Variants in RAPH1 observed in about 807,000 individuals in gnomAD.
RAPH1 encodes the protein ras-associated and pleckstrin homology domains-containing protein 1.
Under a neutral mutation model 88.1 loss-of-function variants are expected in RAPH1, and 18 were observed. That is an observed-to-expected ratio of 0.20 (90% CI 0.14 to 0.30). RAPH1 has a LOEUF of 0.30. Among genes scored for constraint, RAPH1 ranks in the 10% least tolerant of loss-of-function variants. RAPH1 has a pLI of 1.00. For synonymous variants in RAPH1, 587 were observed against 559.0 expected (o/e 1.05, Z -0.71); for missense variants, 1,448 against 1,543.2 (o/e 0.94, Z 1.03).
Position 203,471,677 on chromosome 2 carries a change from T to G in RAPH1, c.733-9752A>C, listed in dbSNP as rs570313744. Among the ~76,000 whole-genome samples, 5 of 152,294 alleles carry G rather than the reference T, an allele frequency of 3.3e-5. No homozygotes were observed. In the South Asian group the frequency reaches 8.3e-4, roughly 25 times the overall value. On this transcript the variant is annotated intron_variant, in intron 4 of 13. Coordinates refer to ENST00000319170, the MANE Select transcript of RAPH1 (RefSeq NM_213589.3). ...CACTACTTCAAGATTAAAAACATGT[T>G]ACAGAAGACAATATAATCTTTGCTC... is the stretch of plus-strand genomic sequence containing the variant.
At chr2:203,481,620 C>T (rs1440735940) in intron 4 of RAPH1, among the ~76,000 whole-genome samples, 1 of 146,212 alleles carries the variant, frequency 6.8e-6, no homozygotes, top group Non-Finnish European at 1.5e-5. Flanking sequence ...GAGATGGAGG[C>T]TCGCTCTGTC....
chr2:203,456,412 C>T (rs938076342), intron 8 of RAPH1, among the ~76,000 whole-genome samples: 1 of 152,058 alleles, frequency 6.6e-6, no homozygotes, highest in African/African-American at 2.4e-5. Flanking sequence ...AAAAACTATC[C>T]ATTTATGTGA....
chr2:203,500,262 T>C (rs1464747256), intron 1 of RAPH1, among the ~76,000 whole-genome samples: 1 of 152,218 alleles, frequency 6.6e-6, no homozygotes, highest in East Asian at 1.9e-4. Flanking sequence ...GATGCTTCAG[T>C]GGAGACCTGA....
intron 1 of RAPH1, 140 bp downstream of exon 1, chr2:203,534,971 G>A (rs1397185220): frequency 6.6e-6 from 1 of 152,336 alleles, no homozygotes; most frequent in Non-Finnish European, 1.5e-5. Flanking sequence ...CCCCGCCCCA[G>A]GCTGCCGCCG....
At position 203,438,002 on chromosome 2, in the gene RAPH1, A is replaced by T. The variant is rs1294787590; in HGVS notation, c.*1435T>A. 2.7e-6 allele frequency: 1 copy of T among 366,648 alleles called. No individual in the cohort carries two copies. The highest frequency in any genetic ancestry group is 5.4e-6 in the Non-Finnish European group (1 of 184,794). The allele number at this position is 366,648 out of a possible 1,614,324, so 22.7% of individuals were successfully genotyped here. ...GAGTACTTATTTCTCTCATGTACCA[A>T]GGAAAATTCACAGAAAAAAGCATAT... On this transcript the variant is annotated 3_prime_UTR_variant, in exon 14 of 14. Transcript: ENST00000319170.
chr2:203,461,101 G>T, intron 6 of RAPH1, 148 bp downstream of exon 6: 1 of 269,278 alleles, frequency 3.7e-6, no homozygotes, highest in Non-Finnish European at 6.4e-6. Flanking sequence ...AGGTGACAGA[G>T]CGAGACTCCA....
At chr2:203,473,230 G>A (rs1250188217) in intron 4 of RAPH1, among the ~76,000 whole-genome samples, 1 of 152,174 alleles carries the variant, frequency 6.6e-6, no homozygotes, top group Admixed American at 6.5e-5. Context: ...AGGCTGCAGT[G>A]AGCTAAGATT....
At chr2:203,498,055 T>C (rs1254036608) in intron 1 of RAPH1, among the ~76,000 whole-genome samples, 2 of 152,194 alleles carry the variant, frequency 1.3e-5, no homozygotes, top group African/African-American at 4.8e-5. Flanking sequence ...TGCTTTTACT[T>C]CCTAATCTTT....
At chr2:203,508,221 CAAAA>C (rs768340713) in intron 1 of RAPH1, among the ~76,000 whole-genome samples, 3 of 58,576 alleles carry the variant, frequency 5.1e-5, no homozygotes, top group Non-Finnish European at 1.1e-4. Context: ...GACTCTGTCT[CAAAA>C]AAAAAAAAAA....
intron 1 of RAPH1, among the ~76,000 whole-genome samples, chr2:203,514,671 C>CAA (rs1228599283): frequency 9.2e-5 from 14 of 152,062 alleles, no homozygotes; most frequent in African/African-American, 3.4e-4. Context: ...TCTCCTGCCT[C>CAA]AGCCTCCCGA....
chr2:203,459,771 G>T, intron 7 of RAPH1, 136 bp downstream of exon 7: 1 of 861,222 alleles, frequency 1.2e-6, no homozygotes, highest in Admixed American at 2.5e-5. Context: ...AGTAGTAGAT[G>T]ATGCTCCTAT....
chr2:203,457,948 C>T (rs571838113), intron 7 of RAPH1, among the ~76,000 whole-genome samples: 1 of 152,152 alleles, frequency 6.6e-6, no homozygotes, highest in Admixed American at 6.5e-5. Context: ...ATAAGTACAA[C>T]AAGTAAGGCA....
At position 203,471,573 on chromosome 2, in the gene RAPH1, T is replaced by C. The variant is rs11889261; in HGVS notation, c.733-9648A>G. On this transcript the variant is annotated intron_variant, in intron 4 of 13. Transcript: ENST00000319170. ...GTTTCAGTGAGCCGAAATTGTGCCATTGCACTCTAGCCTGGGCGACAAGTG... is the reference window on the plus strand; with the variant it reads ...GTTTCAGTGAGCCGAAATTGTGCCACTGCACTCTAGCCTGGGCGACAAGTG... 4.9e-3 allele frequency among the ~76,000 whole-genome samples: 744 copies of C among 152,080 alleles called. 2 individuals are homozygous for C. Among genetic ancestry groups the C allele is most frequent in the South Asian group, 0.011 (55 of 4,818 alleles).
chr2:203,516,740 A>G (rs1689626285), intron 1 of RAPH1, among the ~76,000 whole-genome samples: 1 of 151,982 alleles, frequency 6.6e-6, no homozygotes, highest in Non-Finnish European at 1.5e-5. Flanking sequence ...TCAAAAAAAG[A>G]AAAAGAAAAA....
intron 1 of RAPH1, among the ~76,000 whole-genome samples, chr2:203,528,405 C>T (rs1232561653): frequency 6.6e-6 from 1 of 152,204 alleles, no homozygotes; most frequent in African/African-American, 2.4e-5. Context: ...AATCCTCACA[C>T]TGATTTGCAA....
chr2:203,534,558 A>G lies in RAPH1; in HGVS notation c.-1+553T>C, dbSNP rs930052978. Among the ~76,000 whole-genome samples, 4 of 121,766 alleles carry G rather than the reference A, an allele frequency of 3.3e-5. No homozygotes were observed. The Admixed American group carries it at 4.5e-4, about 14-fold the overall frequency. The allele number at this position is 121,766 out of a possible 152,430, so 79.9% of individuals were successfully genotyped here. On this transcript the variant is annotated intron_variant, in intron 1 of 13. Transcript: ENST00000319170. The stretch of plus-strand genomic sequence containing the variant: ...CAGTTTGGATTTCCGGCGGGAATGT[A>G]TAATACAGACCGCAAGAGGAGACGC...
rs16839813 is a variant in RAPH1 at position 203,459,371 on chromosome 2, A to G, written c.1092+536T>C. ...TTCCCTCACCTACTGAATTTTGTAA[A>G]ATGTCTAGGTATTGGGAAGTATTAA... On this transcript the variant is annotated intron_variant, in intron 7 of 13. Coordinates refer to ENST00000319170, the MANE Select transcript of RAPH1 (RefSeq NM_213589.3). 4.9e-4 allele frequency among the ~76,000 whole-genome samples: 75 copies of G among 152,202 alleles called. No homozygotes were observed. The South Asian group carries it at 0.015, about 30-fold the overall frequency.
intron 10 of RAPH1, among the ~76,000 whole-genome samples, chr2:203,452,039 T>C (rs1053851727): frequency 1.3e-5 from 2 of 152,216 alleles, no homozygotes; most frequent in Non-Finnish European, 2.9e-5. Flanking sequence ...ATCTTGGGAC[T>C]GTGAGGTGAA....
At chr2:203,528,701 TA>T (rs1183948966) in intron 1 of RAPH1, among the ~76,000 whole-genome samples, 1 of 152,130 alleles carries the variant, frequency 6.6e-6, no homozygotes, top group Non-Finnish European at 1.5e-5. Context: ...GTTGCTGCCT[TA>T]AACTGTATAT....
Sources: gnomAD v4.1 joint callset for allele counts (sites outside exome capture counted in the v4.1 genomes callset) on GRCh38, gnomAD v4.1.1 for gene constraint, MANE v1.5 for transcripts, NCBI Gene and HGNC (gene_info 2026-07-23, HGNC 2026-07-21) for gene names.